Variants in PEX7 observed in about 807,000 individuals in gnomAD.
The protein encoded by PEX7 is PTS2 receptor.
Under a neutral mutation model 47.5 loss-of-function variants are expected in PEX7, and 34 were observed. The ratio of observed to expected loss-of-function variants is 0.72; its 90% CI spans 0.54 to 0.95. The LOEUF (loss-of-function observed/expected upper bound fraction) is 0.95. PEX7 is among the 40% of genes least tolerant of loss of function. The probability of loss-of-function intolerance (pLI) is 0.00; values close to 1 mark genes in which losing one functional copy is unlikely to be tolerated. For synonymous variants in PEX7, 141 were observed against 148.8 expected, an observed-to-expected ratio of 0.95 and a Z score of 0.38; for missense variants, 394 against 400.3, an observed-to-expected ratio of 0.98 and a Z score of 0.13.
chr6:136,824,940 T>C (rs1040109903), intron 1 of PEX7, among the ~76,000 whole-genome samples: 3 of 152,226 alleles, frequency 2.0e-5, no homozygotes, highest in African/African-American at 4.8e-5. Context: ...GTTAGGTCCA[T>C]GTCTGAATTC....
At chr6:136,824,472 G>A (rs1774152292) in intron 1 of PEX7, among the ~76,000 whole-genome samples, 2 of 152,018 alleles carry the variant, frequency 1.3e-5, no homozygotes, top group Admixed American at 1.3e-4. Flanking sequence ...CAAAGTGCTG[G>A]GATTACAGGC....
chr6:136,913,375 C>CAT, intron 9 of PEX7, 83 bp from the exon 10 acceptor site: 1 of 914,686 alleles, frequency 1.1e-6, no homozygotes, highest in Non-Finnish European at 1.8e-6. Context: ...TTACGACACT[C>CAT]TAAATGACTT....
At chr6:136,856,229 A>G (rs1774859685) in intron 5 of PEX7, among the ~76,000 whole-genome samples, 1 of 146,248 alleles carries the variant, frequency 6.8e-6, no homozygotes, top group South Asian at 2.2e-4. Flanking sequence ...TTACCTTCAT[A>G]TGTTGTGTTA....
At chr6:136,892,548 G>T (rs1775574148) in intron 8 of PEX7, among the ~76,000 whole-genome samples, 1 of 152,066 alleles carries the variant, frequency 6.6e-6, no homozygotes, top group Non-Finnish European at 1.5e-5. Context: ...TTTGAAATGA[G>T]GATTATACCC....
chr6:136,834,008 AAAC>A (rs1211912689), intron 3 of PEX7, among the ~76,000 whole-genome samples: 9 of 152,218 alleles, frequency 5.9e-5, no homozygotes, highest in East Asian at 1.9e-4. Context: ...GTAAATTAAA[AAAC>A]AACAACAACA....
At position 136,831,250 on chromosome 6, in the gene PEX7, GGAGA is replaced by G. The variant is rs1043886769; in HGVS notation, c.339+4788_339+4791del. ...AGATAACCTTCTTCACAAGGCAGCA[GGAGA>G]GAGAGAAAGAGAGAGAGAGAAAGCA... is the stretch of plus-strand genomic sequence containing the variant. On this transcript the variant is annotated intron_variant, in intron 3 of 9. Transcript: ENST00000318471. Among the ~76,000 whole-genome samples the G allele has an allele frequency of 2.2e-4, 34 of 152,216 alleles. No individual in the cohort carries two copies. The East Asian group carries it at 5.2e-3, about 23-fold the overall frequency.
chr6:136,904,839 T>A (rs1775817692), intron 9 of PEX7, among the ~76,000 whole-genome samples: 1 of 152,180 alleles, frequency 6.6e-6, no homozygotes, highest in South Asian at 2.1e-4. Context: ...CCCTTCACTG[T>A]TGACATCTGC....
In PEX7 at chr6:136,822,888, C is replaced by T. The variant is rs1027278189; in HGVS notation, c.130+93C>T. ...TCCTCGCGCTCGAGGGAAAGCCCCTCTGAGCGTAGACGGTTCCGCGGGTCC... is the reference window on the plus strand; with the variant it reads ...TCCTCGCGCTCGAGGGAAAGCCCCTTTGAGCGTAGACGGTTCCGCGGGTCC... On this transcript the variant is annotated intron_variant, in intron 1 of 9. Coordinates refer to ENST00000318471, the MANE Select transcript of PEX7 (RefSeq NM_000288.4). The T allele has an allele frequency of 2.8e-5, 34 of 1,224,078 alleles. No homozygotes were observed. The East Asian group carries it at 5.0e-4, about 18-fold the overall frequency. The allele number at this position is 1,224,078 out of a possible 1,614,324, so 75.8% of individuals were successfully genotyped here. A position where few individuals can be genotyped will look rare whatever the true frequency, so the allele number is the denominator to read the frequency against.
intron 8 of PEX7, among the ~76,000 whole-genome samples, chr6:136,897,434 G>A (rs1332366202): frequency 1.3e-5 from 2 of 152,204 alleles, no homozygotes; most frequent in Non-Finnish European, 2.9e-5. Flanking sequence ...TGTCTGCACA[G>A]TACAAATGAG....
chr6:136,911,171 T>A (rs1775926827), intron 9 of PEX7, among the ~76,000 whole-genome samples: 1 of 151,668 alleles, frequency 6.6e-6, no homozygotes, highest in African/African-American at 2.4e-5. Context: ...GTGAGAAGAG[T>A]AACATTGTTC....
At chr6:136,838,381 A>G (rs1774434016) in intron 3 of PEX7, among the ~76,000 whole-genome samples, 1 of 152,368 alleles carries the variant, frequency 6.6e-6, no homozygotes, top group South Asian at 2.1e-4. Flanking sequence ...AAGACATTCT[A>G]CAAGACCAAT....
chr6:136,876,713 C>T (rs1241463736), intron 8 of PEX7, among the ~76,000 whole-genome samples: 3 of 152,170 alleles, frequency 2.0e-5, no homozygotes, highest in Admixed American at 6.5e-5. Flanking sequence ...GTATATGTGC[C>T]ACATTTTCTT....
intron 3 of PEX7, among the ~76,000 whole-genome samples, chr6:136,831,690 A>G (rs1483493432): frequency 6.6e-6 from 1 of 152,276 alleles, no homozygotes; most frequent in Non-Finnish European, 1.5e-5. Context: ...TAAATGTTTC[A>G]AATGGGAGAA....
intron 2 of PEX7, 32 bp downstream of exon 2, chr6:136,825,303 T>C: frequency 6.5e-7 from 1 of 1,528,686 alleles, no homozygotes. Flanking sequence ...AAGGTATATA[T>C]TGTTGCTATT....
intron 7 of PEX7, 71 bp from the exon 8 acceptor site, chr6:136,872,127 G>T (rs1674608450): frequency 8.1e-7 from 1 of 1,240,130 alleles, no homozygotes; most frequent in Non-Finnish European, 1.2e-6. Context: ...TTTATGGAAT[G>T]ATCATAGAAA....
intron 8 of PEX7, among the ~76,000 whole-genome samples, chr6:136,882,635 ACCT>A (rs1302721097): frequency 6.6e-6 from 1 of 151,964 alleles, no homozygotes; most frequent in Non-Finnish European, 1.5e-5. Flanking sequence ...CTAAATCTGT[ACCT>A]CTTCATTCCT....
intron 8 of PEX7, among the ~76,000 whole-genome samples, chr6:136,882,883 A>G (rs1306759743): frequency 6.6e-6 from 1 of 152,138 alleles, no homozygotes; most frequent in East Asian, 1.9e-4. Flanking sequence ...TGTCCGCATA[A>G]GCTTCCATTC....
intron 3 of PEX7, among the ~76,000 whole-genome samples, chr6:136,834,514 AC>A (rs1410739568): frequency 6.6e-6 from 1 of 152,194 alleles, no homozygotes; most frequent in Non-Finnish European, 1.5e-5. Flanking sequence ...ACCACACCCA[AC>A]TGAAAAGGAC....
chr6:136,911,753 C>T (rs1018375992), intron 9 of PEX7, among the ~76,000 whole-genome samples: 2 of 152,106 alleles, frequency 1.3e-5, no homozygotes, highest in Admixed American at 6.6e-5. Context: ...TATGAACATT[C>T]GTGTCTACAT....
Sources: allele counts gnomAD v4.1 joint callset (sites outside exome capture counted in the v4.1 genomes callset), GRCh38; gene constraint gnomAD v4.1.1; transcripts MANE v1.5; gene names NCBI Gene and HGNC (gene_info 2026-07-23, HGNC 2026-07-21).